The following WDR62 variants were observed in gnomAD, a reference collection of about 807,000 sequenced individuals.
WDR62 encodes the protein WD repeat domain 62.
A neutral mutation model predicts 160.6 loss-of-function variants in WDR62; 112 were observed. The observed-to-expected ratio is 0.70, with a 90% CI of 0.60 to 0.82. The LOEUF (loss-of-function observed/expected upper bound fraction) is 0.82, where lower values mean the gene tolerates loss of function less well. WDR62 is among the 40% of genes least tolerant of loss of function. The probability of loss-of-function intolerance (pLI) is 0.00; values close to 1 mark genes in which losing one functional copy is unlikely to be tolerated. For missense variants in WDR62, 1,819 were observed against 1,983.8 expected (o/e 0.92, Z 1.58); for synonymous variants, 792 against 815.1 (o/e 0.97, Z 0.48).
At chr19:36,100,625 G>A (rs1020402839) in intron 22 of WDR62, 123 bp from the exon 23 acceptor site, 1 of 1,443,270 alleles carries the variant, frequency 6.9e-7, no homozygotes, top group African/African-American at 1.4e-5. Context: ...GTTGCGAGTG[G>A]AGGGCATGGC....
At chr19:36,068,148 G>C in intron 7 of WDR62, 138 bp downstream of exon 7, 3 of 1,115,322 alleles carry the variant, frequency 2.7e-6, no homozygotes, top group Non-Finnish European at 4.0e-6. Context: ...TGAGCTTAAG[G>C]TTCCACATCT....
At chr19:36,081,011 G>GTTTCA (rs1971864981) in intron 9 of WDR62, among the ~76,000 whole-genome samples, 1 of 151,766 alleles carries the variant, frequency 6.6e-6, no homozygotes, top group Non-Finnish European at 1.5e-5. Flanking sequence ...GAGTAGACTT[G>GTTTCA]AACTGCTGGT....
chr19:36,058,786 C>T lies in WDR62; in HGVS notation c.184C>T (p.Leu62Phe). ...SEETVQNRVS[L>F]EKVLGITAQN... The stretch of plus-strand genomic sequence containing the variant: ...TTGGGCTTTTTCTTTGCAGGTGTCA[C>T]TCGAGAAGGTGCTTGGCATCACAGC... Residue 62 changes from leucine (L) to phenylalanine (F), a missense_variant, in exon 2 of 32, where the codon CTC becomes TTC. Physicochemically the swap from Leu to Phe is conservative, Grantham distance 22 (BLOSUM62 0). Around this residue, in one of 3 missense-constraint regions of WDR62, gnomAD observed 115 missense variants for 92.4 expected, o/e 1.24. Transcript: ENST00000401500. 6.2e-7 allele frequency: 1 copy of T among 1,614,108 alleles called. No homozygotes were observed. Among genetic ancestry groups the T allele is most frequent in the Non-Finnish European group, 8.5e-7 (1 of 1,179,982 alleles).
At chr19:36,073,856 A>G (rs374180920) in intron 9 of WDR62, 8 of 405,024 alleles carry the variant, frequency 2.0e-5, no homozygotes, top group African/African-American at 1.6e-4. Flanking sequence ...CTCCCTGAGG[A>G]CATATGAGCA....
intron 20 of WDR62, among the ~76,000 whole-genome samples, chr19:36,095,378 G>T (rs995749971): frequency 6.6e-6 from 1 of 152,152 alleles, no homozygotes; most frequent in African/African-American, 2.4e-5. Context: ...CATGTTTCTG[G>T]TATCTGCTGT....
intron 9 of WDR62, chr19:36,075,977 C>T (rs1197921055): frequency 6.6e-6 from 1 of 152,098 alleles, no homozygotes; most frequent in Non-Finnish European, 1.5e-5. Context: ...GAATTGGTTC[C>T]CTATCCTCTA....
At chr19:36,066,552 T>C in intron 5 of WDR62, 125 bp downstream of exon 5, 2 of 1,055,308 alleles carry the variant, frequency 1.9e-6, no homozygotes, top group Non-Finnish European at 2.8e-6. Context: ...ATAACAGCTA[T>C]TGAGCACCTG....
At chr19:36,067,464 C>G (rs1226050117) in intron 6 of WDR62, 21 bp downstream of exon 6, 1 of 1,613,892 alleles carries the variant, frequency 6.2e-7, no homozygotes, top group Non-Finnish European at 8.5e-7. Flanking sequence ...GTCCCTGCCC[C>G]TTTAGCCAGG....
chr19:36,110,118 G>A, the WDR62 span, among the ~76,000 whole-genome samples: 2 of 152,074 alleles, frequency 1.3e-5, no homozygotes, highest in Non-Finnish European at 1.5e-5. Flanking sequence ...AGAATCAAGT[G>A]TAAAACAGCT....
intron 7 of WDR62, among the ~76,000 whole-genome samples, chr19:36,068,862 G>T (rs1971092858): frequency 2.0e-5 from 3 of 152,188 alleles, no homozygotes; most frequent in Non-Finnish European, 2.9e-5. Flanking sequence ...TTCTCAATGA[G>T]CTGTTGGGTA....
At chr19:36,078,674 A>T (rs1971717661) in intron 9 of WDR62, among the ~76,000 whole-genome samples, 1 of 151,638 alleles carries the variant, frequency 6.6e-6, no homozygotes, top group African/African-American at 2.4e-5. Context: ...GTCTCTGCTA[A>T]AAATACAAAA....
intron 9 of WDR62, among the ~76,000 whole-genome samples, chr19:36,078,354 G>T (rs557679732): frequency 4.0e-5 from 6 of 150,734 alleles, no homozygotes; most frequent in African/African-American, 1.2e-4. Flanking sequence ...CGCCGTGTTG[G>T]CCAGGTTGGT....
At chr19:36,057,872 A>G (rs1039288128) in intron 1 of WDR62, among the ~76,000 whole-genome samples, 6 of 152,228 alleles carry the variant, frequency 3.9e-5, no homozygotes, top group Non-Finnish European at 7.3e-5. Flanking sequence ...ACCTTTGGTC[A>G]CTACTGTGTC....
At chr19:36,096,978 T>C (rs1174028487) in intron 20 of WDR62, 49 bp from the exon 21 acceptor site, 2 of 1,566,610 alleles carry the variant, frequency 1.3e-6, no homozygotes, top group Non-Finnish European at 1.7e-6. Context: ...GTATGTGGCC[T>C]GTTTGTTGGG....
chr19:36,088,864 C>T (rs536343742), intron 13 of WDR62, among the ~76,000 whole-genome samples, 174 bp from the exon 14 acceptor site: 2 of 152,352 alleles, frequency 1.3e-5, no homozygotes, highest in East Asian at 1.9e-4. Context: ...CCCCCTCACA[C>T]GTACAGCTCA....
Position 36,104,763 on chromosome 19 carries a change from T to G in WDR62, c.4312-5T>G, listed in dbSNP as rs182467995. On this transcript the variant is annotated splice_region_variant and splice_polypyrimidine_tract_variant and intron_variant, in intron 31 of 31. Transcript: ENST00000401500. ...GGCCCCTGACAAGGCTGGCATCCCTTGCAGTTGGTCTCCAGTGGCCAGGTG... is the reference window on the plus strand; with the variant it reads ...GGCCCCTGACAAGGCTGGCATCCCTGGCAGTTGGTCTCCAGTGGCCAGGTG... The G allele has an allele frequency of 3.3e-3, 5,256 of 1,613,760 alleles. 9 individuals carry two copies. Among genetic ancestry groups the G allele is most frequent in the Non-Finnish European group, 4.0e-3 (4,690 of 1,180,024 alleles).
At position 36,055,101 on chromosome 19, in the gene WDR62, C is replaced by T; in HGVS notation, c.130C>T (p.Arg44Trp). The T allele has an allele frequency of 1.2e-6, 2 of 1,605,938 alleles. No individual in the cohort carries two copies. Among genetic ancestry groups the T allele is most frequent in the East Asian group, 2.2e-5 (1 of 44,462 alleles). Residue 44 changes from arginine to tryptophan, a missense_variant, in exon 1 of 32, where the codon CGG (arginine) becomes TGG (tryptophan). By Grantham distance (101) the Arg-to-Trp change is moderately radical. This residue lies in a region of WDR62 where 115 missense variants were observed against 92.4 expected (regional missense o/e 1.24). Coordinates refer to ENST00000401500, the MANE Select transcript of WDR62 (RefSeq NM_001083961.2). ...PPPAPPICLR[R>W]RTRLSTASEE... Reference sequence around the variant, plus strand: ...CCCCGCCCCACCAATCTGCCTACGGCGGCGGACGCGACTCTCGACGGCCTC... The same window carrying T: ...CCCCGCCCCACCAATCTGCCTACGGTGGCGGACGCGACTCTCGACGGCCTC...
chr19:36,077,183 A>C, intron 9 of WDR62, among the ~76,000 whole-genome samples: 2 of 146,726 alleles, frequency 1.4e-5, no homozygotes, highest in African/African-American at 2.5e-5. Flanking sequence ...CACTCCCCCC[A>C]TCCATGGAAA....
Position 36,091,793 on chromosome 19 carries a change from G to A in WDR62, c.2210+328G>A, listed in dbSNP as rs8101135. On this transcript the variant is annotated intron_variant, in intron 18 of 31. Transcript: ENST00000401500. ...AGTCCCAGCTACTCAGGAGGGGGAA[G>A]ATGGCTTGAACCTGGTAGGTAGAGG... 9.1e-3 allele frequency among the ~76,000 whole-genome samples: 1,384 copies of A among 152,084 alleles called. 26 individuals are homozygous for A. The highest frequency in any genetic ancestry group is 0.032 in the African/African-American group (1,336 of 41,456).
Sources: allele counts gnomAD v4.1 joint callset (sites outside exome capture counted in the v4.1 genomes callset), GRCh38; gene constraint gnomAD v4.1.1; regional missense constraint gnomAD v4.1.1; transcripts MANE v1.5; gene names NCBI Gene and HGNC (gene_info 2026-07-23, HGNC 2026-07-21).